The following DNAH1 variants were observed in gnomAD, a reference collection of about 807,000 sequenced individuals.
DNAH1 encodes axonemal beta dynein heavy chain 1.
DNAH1 carries 327 observed loss-of-function variants against 484.3 expected under a neutral mutation model. That is an observed-to-expected ratio of 0.68 (90% CI 0.62 to 0.74). DNAH1 has a LOEUF of 0.74. Among genes scored for constraint, DNAH1 ranks in the 30% least tolerant of loss-of-function variants. DNAH1 has a pLI of 0.00. For missense variants in DNAH1, 5,052 were observed against 5,546.8 expected (o/e 0.91, Z 2.83); for synonymous variants, 2,192 against 2,191.9 (o/e 1.00, Z 0.00).
rs369082255 is a variant in DNAH1, at chr3:52,361,809, C to G, written c.4980+43C>G. ...ACCTTACTCCCTCAGATCTGCCATA[C>G]TCACGCCGCCATACTGCTCCCCATT... On this transcript the variant is annotated intron_variant, in intron 30 of 77. Coordinates refer to ENST00000420323, the MANE Select transcript of DNAH1 (RefSeq NM_015512.5). This position sits in a 1 kb window ranked among gnomAD's most constrained non-coding sequence, Gnocchi z 5.6. 11 of 1,545,646 alleles carry G rather than the reference C, an allele frequency of 7.1e-6. No homozygotes were observed. In the South Asian group the frequency reaches 1.3e-4, roughly 18 times the overall value.
At chr3:52,375,124 C>A in intron 44 of DNAH1, 116 bp from the exon 45 acceptor site, 2 of 1,205,408 alleles carry the variant, frequency 1.7e-6, no homozygotes, top group Non-Finnish European at 2.3e-6. Flanking sequence ...ATGTATTTGT[C>A]TTTATTCCAG....
In DNAH1 at chr3:52,381,595, C is replaced by T; in HGVS notation, c.7609-45C>T. 7 of 1,530,936 alleles carry T rather than the reference C, an allele frequency of 4.6e-6. No individual in the cohort carries two copies. Among genetic ancestry groups the T allele is most frequent in the Middle Eastern group, 1.7e-4 (1 of 5,904 alleles). 94.8% of individuals were successfully genotyped at this position (1,530,936 alleles called of 1,614,324 possible). On this transcript the variant is annotated intron_variant, in intron 48 of 77. Coordinates refer to ENST00000420323, the MANE Select transcript of DNAH1 (RefSeq NM_015512.5). The surrounding 1 kb of genome is among the most constrained non-coding windows in gnomAD (Gnocchi z 4.1). Reference sequence around the variant, plus strand: ...GGTGGGGGGAATCGGGGAGACCCTACAGTAAGAGAGACCCCGCCTTCCCCA... The same window carrying T: ...GGTGGGGGGAATCGGGGAGACCCTATAGTAAGAGAGACCCCGCCTTCCCCA...
chr3:52,392,812 C>T lies in DNAH1; in HGVS notation c.10279-18C>T. 6.0e-6 allele frequency: 4 copies of T among 666,760 alleles called. No individual in the cohort carries two copies. Among genetic ancestry groups the T allele is most frequent in the Non-Finnish European group, 5.2e-6 (2 of 383,610 alleles). The allele number at this position is 666,760 out of a possible 1,614,324, so 41.3% of individuals were successfully genotyped here. On this transcript the variant is annotated intron_variant, in intron 64 of 77. Transcript: ENST00000420323. ...CCTTCTGCTCTTTGACCCCTCCCCC[C>T]ACCCACTACACCCACAGGCCAAAGT... is the stretch of plus-strand genomic sequence containing the variant.
chr3:52,343,664 T>C (rs1271653772), intron 8 of DNAH1, among the ~76,000 whole-genome samples: 1 of 152,062 alleles, frequency 6.6e-6, no homozygotes, highest in Non-Finnish European at 1.5e-5. Flanking sequence ...TGAGATTCCC[T>C]TGTGGTGCCA....
chr3:52,395,791 T>G lies in DNAH1; in HGVS notation c.11259+113T>G. 1 of 1,449,412 alleles carries G rather than the reference T, an allele frequency of 6.9e-7. No individual in the cohort carries two copies. Among genetic ancestry groups the G allele is most frequent in the Middle Eastern group, 2.0e-4 (1 of 5,124 alleles). 89.8% of individuals were successfully genotyped at this position (1,449,412 alleles called of 1,614,324 possible). On this transcript the variant is annotated intron_variant, in intron 70 of 77. Coordinates refer to ENST00000420323, the MANE Select transcript of DNAH1 (RefSeq NM_015512.5). The surrounding 1 kb of genome is among the most constrained non-coding windows in gnomAD (Gnocchi z 4.4). ...AGCACTCTGCCCAGCCTCTAGCACG[T>G]GGCAAGTGCTCAGCAACTGACATGT...
intron 41 of DNAH1, among the ~76,000 whole-genome samples, chr3:52,371,688 C>A (rs967824396): frequency 2.6e-5 from 4 of 152,252 alleles, no homozygotes; most frequent in Non-Finnish European, 4.4e-5. Context: ...GAGCCCCCAA[C>A]CTGGGCAGGG....
At chr3:52,333,959 A>T (rs566614429) in intron 8 of DNAH1, among the ~76,000 whole-genome samples, 16 of 152,380 alleles carry the variant, frequency 1.1e-4, no homozygotes, top group African/African-American at 3.8e-4. Flanking sequence ...TTTTAAACTT[A>T]TGATAAGTTT....
At chr3:52,351,389 A>G (rs1702372112) in intron 16 of DNAH1, among the ~76,000 whole-genome samples, 1 of 152,148 alleles carries the variant, frequency 6.6e-6, no homozygotes, top group Admixed American at 6.5e-5. Flanking sequence ...ATGTTGGGGG[A>G]GTCAGGACCA....
intron 8 of DNAH1, among the ~76,000 whole-genome samples, chr3:52,340,158 C>T (rs1410310209): frequency 6.6e-6 from 1 of 152,196 alleles, no homozygotes; most frequent in Non-Finnish European, 1.5e-5. Context: ...TCACAGCTAA[C>T]TGCAGCCTCA....
Position 52,360,439 on chromosome 3 carries a change from C to G in DNAH1, c.4685+15C>G, listed in dbSNP as rs1244279585. 2 of 1,602,654 alleles carry G rather than the reference C, an allele frequency of 1.2e-6. No individual in the cohort carries two copies. Among genetic ancestry groups the G allele is most frequent in the South Asian group, 2.2e-5 (2 of 90,500 alleles). On this transcript the variant is annotated intron_variant, in intron 28 of 77. Coordinates refer to ENST00000420323, the MANE Select transcript of DNAH1 (RefSeq NM_015512.5). ...CTCACCGACAGGTAAGCGTTCCCCT[C>G]TTGCTCCTTCCCACACTGAGACCCT...
chr3:52,332,034 A>G (rs925627300), intron 7 of DNAH1, 108 bp from the exon 8 acceptor site: 13 of 1,391,102 alleles, frequency 9.3e-6, no homozygotes, highest in Middle Eastern at 3.6e-4. Context: ...AGAGGGAAAC[A>G]ATTTGTTCAG....
At position 52,385,389 on chromosome 3, in the gene DNAH1, T is replaced by C. The variant is rs1265332312; in HGVS notation, c.8567T>C (p.Met2856Thr). Residue 2856 changes from methionine to threonine, a missense_variant, in exon 54 of 78, where the codon ATG becomes ACG. Around this residue, in one of 4 missense-constraint regions of DNAH1, gnomAD observed 2,929 missense variants for 3,409.4 expected, o/e 0.86. Transcript: ENST00000420323. ...VAKMQEDLES[M>T]HPLLEEAAKD... Reference sequence around the variant, plus strand: ...AAGATGCAGGAGGACCTGGAGAGTATGCACCCCCTGCTGGAGGAGGCTGCC... The same window carrying C: ...AAGATGCAGGAGGACCTGGAGAGTACGCACCCCCTGCTGGAGGAGGCTGCC... 3 of 1,552,998 alleles carry C rather than the reference T, an allele frequency of 1.9e-6. No homozygotes were observed. Among genetic ancestry groups the C allele is most frequent in the Non-Finnish European group, 2.6e-6 (3 of 1,147,732 alleles).
chr3:52,314,491 A>G (rs1004418506), upstream of DNAH1, among the ~76,000 whole-genome samples: 4 of 152,162 alleles, frequency 2.6e-5, no homozygotes, highest in African/African-American at 9.7e-5. Context: ...AACAGCCACT[A>G]TCTTTGAGGT....
At chr3:52,349,860 C>G in intron 14 of DNAH1, 129 bp from the exon 15 acceptor site, 1 of 1,354,286 alleles carries the variant, frequency 7.4e-7, no homozygotes, top group East Asian at 2.6e-5. Flanking sequence ...TCTTGGAAAG[C>G]GCCGCAGGAT....
At chr3:52,378,238 A>C in intron 46 of DNAH1, among the ~76,000 whole-genome samples, 1 of 150,702 alleles carries the variant, frequency 6.6e-6, no homozygotes, top group South Asian at 2.1e-4. Context: ...GGATCATGAG[A>C]CCCTCCCCAA....
chr3:52,352,417 A>G, intron 17 of DNAH1, 135 bp from the exon 18 acceptor site: 1 of 1,244,180 alleles, frequency 8.0e-7, no homozygotes, highest in South Asian at 1.5e-5. Context: ...GAACCTGCTC[A>G]CTCCAGGAGA....
chr3:52,354,708 G>A (rs978480466), intron 20 of DNAH1, 135 bp from the exon 21 acceptor site: 1 of 736,156 alleles, frequency 1.4e-6, no homozygotes, highest in African/African-American at 1.8e-5. Flanking sequence ...TGCCAGACAA[G>A]CCGAGAGTAT....
intron 44 of DNAH1, chr3:52,373,710 G>A (rs767985382): frequency 1.3e-4 from 184 of 1,365,416 alleles, no homozygotes; most frequent in Non-Finnish European, 1.8e-4. Context: ...TCAGTGTTGC[G>A]TCCTTTTTGA....
intron 8 of DNAH1, among the ~76,000 whole-genome samples, chr3:52,338,486 A>G (rs1193144355): frequency 6.6e-6 from 1 of 152,196 alleles, no homozygotes; most frequent in East Asian, 1.9e-4. Context: ...TTCAACTTAC[A>G]ATAAACTCTA....
Sources: gnomAD v4.1 joint callset for allele counts (sites outside exome capture counted in the v4.1 genomes callset) on GRCh38, gnomAD v4.1.1 for gene constraint, gnomAD v4.1.1 regional missense constraint, Gnocchi (gnomAD v3.1) non-coding constraint, MANE v1.5 for transcripts, NCBI Gene and HGNC (gene_info 2026-07-23, HGNC 2026-07-21) for gene names.